The following ADGRD1 variants were observed in gnomAD, a reference collection of about 807,000 sequenced individuals.
ADGRD1 encodes the protein adhesion G protein-coupled receptor D1, also known as G-protein coupled receptor 133.
ADGRD1 carries 77 observed loss-of-function variants against 113.4 expected under a neutral mutation model. The observed-to-expected ratio is 0.68, with a 90% CI of 0.57 to 0.82. The LOEUF (loss-of-function observed/expected upper bound fraction) is 0.82, where lower values mean the gene tolerates loss of function less well. Among genes scored for constraint, ADGRD1 ranks in the 40% least tolerant of loss-of-function variants. ADGRD1 has a pLI of 0.00. For synonymous variants in ADGRD1, 474 were observed against 475.0 expected (o/e 1.00, Z 0.03); for missense variants, 1,036 against 1,139.1 (o/e 0.91, Z 1.30).
At chr12:131,032,709 C>T (rs1005211977) in intron 13 of ADGRD1, among the ~76,000 whole-genome samples, 6 of 137,610 alleles carry the variant, frequency 4.4e-5, no homozygotes, top group African/African-American at 1.7e-4. Context: ...ATCGCCACCC[C>T]ATCACAGAGA....
chr12:131,139,396 T>C lies in ADGRD1; in HGVS notation c.*133T>C, dbSNP rs1346994045. The C allele has an allele frequency of 7.7e-6, 5 of 651,372 alleles. No homozygotes were observed. The highest frequency in any genetic ancestry group is 1.4e-5 in the Non-Finnish European group (5 of 366,866). The allele number at this position is 651,372 out of a possible 1,614,324, so 40.3% of individuals were successfully genotyped here. On this transcript the variant is annotated 3_prime_UTR_variant, in exon 25 of 25. Coordinates refer to ENST00000261654, the MANE Select transcript of ADGRD1 (RefSeq NM_198827.5). The stretch of plus-strand genomic sequence containing the variant: ...ATGGGTGTTGTGGCCCCGAGACAGC[T>C]GTCCTCCCCTGTGACTCTGGCTGTC...
intron 13 of ADGRD1, among the ~76,000 whole-genome samples, chr12:131,034,686 A>C (rs760827784): frequency 1.2e-4 from 18 of 152,178 alleles, no homozygotes; most frequent in Non-Finnish European, 1.0e-4. Context: ...ATGTTTGTTG[A>C]ATGACTGAGG....
Position 131,022,555 on chromosome 12 carries a change from G to A in ADGRD1, c.1473+8215G>A, listed in dbSNP as rs1321908793. 2.6e-5 allele frequency among the ~76,000 whole-genome samples: 4 copies of A among 152,288 alleles called. No homozygotes were observed. The highest frequency in any genetic ancestry group is 2.1e-4 in the South Asian group (1 of 4,822). ...GGGGTACTATTTCATCCCACAGGGC[G>A]CTGTCCGGCTCTATCATTACGGATT... On this transcript the variant is annotated intron_variant, in intron 13 of 24. Coordinates refer to ENST00000261654, the MANE Select transcript of ADGRD1 (RefSeq NM_198827.5). This position sits in a 1 kb window ranked among gnomAD's most constrained non-coding sequence, Gnocchi z 4.6.
chr12:130,987,937 C>T (rs1322594671), intron 6 of ADGRD1: 1 of 155,964 alleles, frequency 6.4e-6, no homozygotes, highest in Non-Finnish European at 1.4e-5. Flanking sequence ...GCCACCTCTA[C>T]CTGGCTTGGA....
intron 6 of ADGRD1, chr12:130,988,388 T>C (rs1437679339): frequency 1.3e-5 from 2 of 152,156 alleles, no homozygotes; most frequent in Non-Finnish European, 2.9e-5. Flanking sequence ...CTCACAAACA[T>C]GTGGCTGCTG....
chr12:131,087,521 C>T (rs913911239), intron 15 of ADGRD1, among the ~76,000 whole-genome samples: 3 of 152,236 alleles, frequency 2.0e-5, no homozygotes, highest in African/African-American at 7.2e-5. Flanking sequence ...CTTTCCGGCT[C>T]AGGGCCGTGG....
At chr12:131,056,589 T>C (rs1367800349) in intron 13 of ADGRD1, among the ~76,000 whole-genome samples, 1 of 152,198 alleles carries the variant, frequency 6.6e-6, no homozygotes, top group Non-Finnish European at 1.5e-5. Flanking sequence ...TGTGGAGAAC[T>C]TGGCAAAATT....
chr12:131,136,177 G>A lies in ADGRD1; in HGVS notation c.2394+14G>A, dbSNP rs752861201. 1.2e-6 allele frequency: 2 copies of A among 1,613,232 alleles called. No homozygotes were observed. The highest frequency in any genetic ancestry group is 2.2e-5 in the South Asian group (2 of 90,962). On this transcript the variant is annotated intron_variant, in intron 22 of 24. Coordinates refer to ENST00000261654, the MANE Select transcript of ADGRD1 (RefSeq NM_198827.5). ...AACTCCCTGCAGGTGAGAGCCGCGG[G>A]GACTGGCGGGGAGGCAGGGCCGCCA...
At chr12:130,962,189 T>A (rs1870445860) in intron 2 of ADGRD1, 1 of 152,310 alleles carries the variant, frequency 6.6e-6, no homozygotes, top group East Asian at 1.9e-4. Context: ...TTGCAAAACA[T>A]CTGTGGCAAC....
chr12:130,958,720 G>A (rs1471748974), intron 2 of ADGRD1, among the ~76,000 whole-genome samples: 5 of 152,188 alleles, frequency 3.3e-5, no homozygotes, highest in Admixed American at 2.6e-4. Context: ...GGGCACGGGC[G>A]TCACAAACAC....
intron 4 of ADGRD1, among the ~76,000 whole-genome samples, chr12:130,979,338 G>C (rs1213364253): frequency 6.6e-6 from 1 of 152,170 alleles, no homozygotes; most frequent in African/African-American, 2.4e-5. Flanking sequence ...CCATACCAGG[G>C]TTATAAAATG....
intron 13 of ADGRD1, among the ~76,000 whole-genome samples, chr12:131,038,386 C>CT (rs1566054355): frequency 6.6e-6 from 1 of 152,242 alleles, no homozygotes; most frequent in South Asian, 2.1e-4. Flanking sequence ...CTGCCTGCCA[C>CT]CTCCGGGTTG....
chr12:131,006,037 G>C lies in ADGRD1; in HGVS notation c.1321G>C (p.Ala441Pro). 6.2e-7 allele frequency: 1 copy of C among 1,612,618 alleles called. No homozygotes were observed. ...CTACTACCTGAACAACATCTGGCCC[G>C]CCCACACCAAGTGAGTCTCGGGGGT... ...MHYYLNNIWP[A>P]HTKIAEAMHH... The change falls in exon 12 of 25, where the codon GCC becomes CCC. Residue 441 changes from alanine to proline, a missense_variant. Physicochemically the swap from Ala to Pro is conservative, Grantham distance 27. Transcript: ENST00000261654.
rs116553191 is a variant in ADGRD1 at position 131,127,198 on chromosome 12, A to G, written c.2176-4527A>G. On this transcript the variant is annotated intron_variant, in intron 20 of 24. Coordinates refer to ENST00000261654, the MANE Select transcript of ADGRD1 (RefSeq NM_198827.5). ...TGACAAGTAATAATGTGATCAGCTT[A>G]ACTGTTATGAAACACTTAGAGTGCA... 8.6e-3 allele frequency among the ~76,000 whole-genome samples: 1,314 copies of G among 152,382 alleles called. 16 individuals carry two copies. Among genetic ancestry groups the G allele is most frequent in the African/African-American group, 0.029 (1,186 of 41,590 alleles).
chr12:131,021,528 C>T lies in ADGRD1; in HGVS notation c.1473+7188C>T, dbSNP rs537936013. Among the ~76,000 whole-genome samples the T allele has an allele frequency of 2.8e-3, 426 of 152,230 alleles. 6 individuals carry two copies. The highest frequency in any genetic ancestry group is 0.021 in the South Asian group (101 of 4,812). ...TATCGCAGCATCAGGCTGTGTGAGT[C>T]GGCCTGTGGGCTACCAAGCGAGAGA... On this transcript the variant is annotated intron_variant, in intron 13 of 24. Transcript: ENST00000261654.
chr12:131,083,423 A>G (rs1886219111), intron 14 of ADGRD1, among the ~76,000 whole-genome samples: 2 of 152,124 alleles, frequency 1.3e-5, no homozygotes, highest in South Asian at 2.1e-4. Context: ...GCAACATAGC[A>G]AGACTATATC....
rs1448726177 is a variant in ADGRD1, at chr12:131,084,508, A to G, written c.1548-32A>G. On this transcript the variant is annotated intron_variant, in intron 14 of 24. Coordinates refer to ENST00000261654, the MANE Select transcript of ADGRD1 (RefSeq NM_198827.5). This position sits in a 1 kb window ranked among gnomAD's most constrained non-coding sequence, Gnocchi z 4.5. ...CCCTGCCTGCCAAGGGTGCGGTGCT[A>G]CCTCCTCTGATCCTTTCTCCTGTGT... 3.7e-6 allele frequency: 6 copies of G among 1,613,352 alleles called. No homozygotes were observed. The highest frequency in any genetic ancestry group is 4.2e-6 in the Non-Finnish European group (5 of 1,179,818).
At chr12:131,015,631 T>C (rs538687058) in intron 13 of ADGRD1, among the ~76,000 whole-genome samples, 2 of 151,854 alleles carry the variant, frequency 1.3e-5, no homozygotes, top group Admixed American at 6.6e-5. Context: ...GAGTTGGAGA[T>C]GGAGATGGGA....
At chr12:131,077,567 C>T (rs2137172211) in intron 14 of ADGRD1, among the ~76,000 whole-genome samples, 1 of 152,214 alleles carries the variant, frequency 6.6e-6, no homozygotes, top group African/African-American at 2.4e-5. Flanking sequence ...CTCCCACAGT[C>T]ACAGCGGTGT....
Sources: gnomAD v4.1 joint callset for allele counts (sites outside exome capture counted in the v4.1 genomes callset) on GRCh38, gnomAD v4.1.1 for gene constraint, Gnocchi (gnomAD v3.1) non-coding constraint, MANE v1.5 for transcripts, NCBI Gene and HGNC (gene_info 2026-07-23, HGNC 2026-07-21) for gene names.